ZNF578: variants seen among roughly 807,000 people sequenced by gnomAD.
The protein encoded by ZNF578 is zinc finger protein 578.
In ZNF578, 8 loss-of-function variants were observed where a neutral mutation model predicts 8.3. The observed-to-expected ratio is 0.96, with a 90% CI of 0.56 to 1.74. The LOEUF (loss-of-function observed/expected upper bound fraction) is 1.74, where lower values mean the gene tolerates loss of function less well. Ranked by LOEUF, ZNF578 falls within the 40% of genes most tolerant of loss-of-function variation. The pLI, the probability that ZNF578 is intolerant of heterozygous loss-of-function variation, is 0.00. For missense variants in ZNF578, 726 were observed against 707.5 expected (o/e 1.03, Z -0.30); for synonymous variants, 206 against 232.2 (o/e 0.89, Z 1.03).
At chr19:52,504,502 T>C (rs1415309498) in intron 4 of ZNF578, among the ~76,000 whole-genome samples, 153 bp from the exon 5 acceptor site, 1 of 152,154 alleles carries the variant, frequency 6.6e-6, no homozygotes, top group Non-Finnish European at 1.5e-5. Context: ...AAAATGCAAC[T>C]ATTGAGAAAA....
chr19:52,481,333 AG>A (rs1381642807), intron 2 of ZNF578, among the ~76,000 whole-genome samples: 12 of 152,188 alleles, frequency 7.9e-5, no homozygotes, highest in Admixed American at 7.9e-4. Context: ...GACTGAACAA[AG>A]GAGAAGGAAC....
At chr19:52,500,040 G>T (rs1224369436) in intron 3 of ZNF578, among the ~76,000 whole-genome samples, 13 of 152,044 alleles carry the variant, frequency 8.6e-5, no homozygotes, top group Non-Finnish European at 1.8e-4. Flanking sequence ...TCTCTAGGAT[G>T]CTCTTCCCCT....
intron 3 of ZNF578, among the ~76,000 whole-genome samples, chr19:52,499,481 C>A (rs1179581728): frequency 2.0e-5 from 3 of 152,196 alleles, no homozygotes; most frequent in Non-Finnish European, 4.4e-5. Flanking sequence ...CCATAAGTGA[C>A]TTCCTAAATC....
At chr19:52,476,657 C>G (rs1718606878) in intron 2 of ZNF578, among the ~76,000 whole-genome samples, 2 of 152,166 alleles carry the variant, frequency 1.3e-5, no homozygotes, top group Admixed American at 6.5e-5. Context: ...AAATTGATAG[C>G]TATATTTGCA....
chr19:52,500,700 T>G (rs2059403776), intron 3 of ZNF578, among the ~76,000 whole-genome samples: 1 of 151,694 alleles, frequency 6.6e-6, no homozygotes, highest in South Asian at 2.1e-4. Flanking sequence ...TGAGTTTGAT[T>G]AGCCTTTCAA....
intron 2 of ZNF578, among the ~76,000 whole-genome samples, chr19:52,479,971 A>C (rs912833304): frequency 6.6e-6 from 1 of 152,132 alleles, no homozygotes; most frequent in Non-Finnish European, 1.5e-5. Context: ...TTGCAGTGGC[A>C]CAATCTTGGC....
In ZNF578 at chr19:52,515,022, G is replaced by C. The variant is rs1402157005; in HGVS notation, c.*2868G>C. 2.0e-5 allele frequency among the ~76,000 whole-genome samples: 3 copies of C among 149,452 alleles called. No individual in the cohort carries two copies. The highest frequency in any genetic ancestry group is 4.4e-5 in the Non-Finnish European group (3 of 67,672). On this transcript the variant is annotated 3_prime_UTR_variant, in exon 6 of 6. Coordinates refer to ENST00000421239, the MANE Select transcript of ZNF578 (RefSeq NM_001099694.2). Reference sequence around the variant, plus strand: ...TTGTTGCTGAGGCTGGAGTGCAATGGTGCGATCTGGTGTCACTCCAATGTC... The same window carrying C: ...TTGTTGCTGAGGCTGGAGTGCAATGCTGCGATCTGGTGTCACTCCAATGTC...
At chr19:52,474,005 G>GT (rs1340421127) in intron 2 of ZNF578, 1 of 377,684 alleles carries the variant, frequency 2.6e-6, no homozygotes, top group Non-Finnish European at 5.4e-6. Context: ...TCCAGTATGA[G>GT]TTCTCCAATG....
chr19:52,487,236 G>A (rs569281499), intron 2 of ZNF578, among the ~76,000 whole-genome samples: 1 of 152,170 alleles, frequency 6.6e-6, no homozygotes, highest in Admixed American at 6.5e-5. Flanking sequence ...GGCCAAGCTG[G>A]GAGGATGACT....
intron 3 of ZNF578, among the ~76,000 whole-genome samples, chr19:52,501,614 G>T (rs1349150819): frequency 6.7e-6 from 1 of 149,642 alleles, no homozygotes; most frequent in African/African-American, 2.5e-5. Flanking sequence ...TGTGGTGGCT[G>T]CTCCAGGAGG....
At position 52,512,287 on chromosome 19, in the gene ZNF578, C is replaced by G. The variant is rs2059452120; in HGVS notation, c.*133C>G. 3.2e-6 allele frequency: 5 copies of G among 1,573,012 alleles called. No homozygotes were observed. The highest frequency in any genetic ancestry group is 4.4e-6 in the Non-Finnish European group (5 of 1,143,196). ...ACAAGTGTAATGAGTGTGGCAAAGCCTTTAGTGACCAGTCAACACTTACCA... is the reference window on the plus strand; with the variant it reads ...ACAAGTGTAATGAGTGTGGCAAAGCGTTTAGTGACCAGTCAACACTTACCA... On this transcript the variant is annotated 3_prime_UTR_variant, in exon 6 of 6. Coordinates refer to ENST00000421239, the MANE Select transcript of ZNF578 (RefSeq NM_001099694.2).
At chr19:52,475,404 T>C (rs2059305264) in intron 2 of ZNF578, among the ~76,000 whole-genome samples, 1 of 150,386 alleles carries the variant, frequency 6.6e-6, no homozygotes, top group Non-Finnish European at 1.5e-5. Context: ...CAGGCTGGAG[T>C]GCAGTGGAGT....
intron 3 of ZNF578, among the ~76,000 whole-genome samples, chr19:52,497,824 A>G (rs966512579): frequency 1.3e-5 from 2 of 152,120 alleles, no homozygotes; most frequent in African/African-American, 4.8e-5. Context: ...TCATCTGAAA[A>G]AATGGTTATC....
intron 3 of ZNF578, among the ~76,000 whole-genome samples, chr19:52,497,865 G>C (rs329928): frequency 6.6e-6 from 1 of 152,088 alleles, no homozygotes; most frequent in South Asian, 2.1e-4. Context: ...TCCCCCTCAA[G>C]TCCCTCTGGT....
chr19:52,468,827 T>C (rs1054503025), intron 2 of ZNF578, among the ~76,000 whole-genome samples: 7 of 152,230 alleles, frequency 4.6e-5, no homozygotes, highest in Admixed American at 1.3e-4. Flanking sequence ...TGCTTGTTTA[T>C]GCTTCTCCTG....
Position 52,505,716 on chromosome 19 carries a change from G to A in ZNF578, c.190+935G>A, listed in dbSNP as rs576105423. Among the ~76,000 whole-genome samples the A allele has an allele frequency of 3.7e-3, 559 of 152,080 alleles. 3 individuals are homozygous for A. The highest frequency in any genetic ancestry group is 0.013 in the African/African-American group (540 of 41,494). On this transcript the variant is annotated intron_variant, in intron 5 of 5. Transcript: ENST00000421239. ...TGGGATTACAGGCGTGAGCCACTGC[G>A]CCTGGCCCATTGTTCATTTTTGACA... is the stretch of plus-strand genomic sequence containing the variant.
At chr19:52,470,186 T>C (rs1454860605) in intron 2 of ZNF578, among the ~76,000 whole-genome samples, 1 of 152,132 alleles carries the variant, frequency 6.6e-6, no homozygotes, top group African/African-American at 2.4e-5. Flanking sequence ...ATGCATTGCC[T>C]GAGGAAACAA....
chr19:52,497,778 T>C (rs1809243), intron 3 of ZNF578, among the ~76,000 whole-genome samples: 3 of 152,190 alleles, frequency 2.0e-5, no homozygotes, highest in Non-Finnish European at 4.4e-5. Flanking sequence ...CATGAAAATT[T>C]AGTTAAAGTA....
At chr19:52,492,476 AAG>A (rs543579185) in intron 3 of ZNF578, among the ~76,000 whole-genome samples, 1 of 152,098 alleles carries the variant, frequency 6.6e-6, no homozygotes, top group Admixed American at 6.6e-5. Context: ...GGCGAATAGA[AAG>A]AGAGAGGATT....
Sources: gnomAD v4.1 joint callset for allele counts (sites outside exome capture counted in the v4.1 genomes callset) on GRCh38, gnomAD v4.1.1 for gene constraint, MANE v1.5 for transcripts, NCBI Gene and HGNC (gene_info 2026-07-23, HGNC 2026-07-21) for gene names.